MTA3: variants seen among roughly 807,000 people sequenced by gnomAD.
MTA3 encodes metastasis associated 1 family member 3.
A neutral mutation model predicts 83.5 loss-of-function variants in MTA3; 34 were observed. The ratio of observed to expected loss-of-function variants is 0.41; its 90% CI spans 0.31 to 0.54. The LOEUF is 0.54. Ranked by LOEUF, MTA3 falls within the 20% of genes least tolerant of loss-of-function variation. MTA3 has a pLI of 0.33. For synonymous variants in MTA3, 303 were observed against 252.7 expected (o/e 1.20, Z -1.89); for missense variants, 761 against 726.4 (o/e 1.05, Z -0.55).
chr2:42,635,910 C>A (rs939906695), intron 4 of MTA3, among the ~76,000 whole-genome samples: 1 of 151,932 alleles, frequency 6.6e-6, no homozygotes, highest in East Asian at 1.9e-4. Context: ...GGATTACAGG[C>A]GTGCACCACC....
chr2:42,692,407 G>A (rs1440763610), intron 9 of MTA3, among the ~76,000 whole-genome samples: 2 of 149,902 alleles, frequency 1.3e-5, no homozygotes, highest in African/African-American at 4.9e-5. Flanking sequence ...CCTCAAAACA[G>A]CTATCTTGAA....
At chr2:42,752,276 G>A (rs1669931845) in intron 16 of MTA3, 2 of 471,298 alleles carry the variant, frequency 4.2e-6, no homozygotes, top group South Asian at 3.1e-5. Flanking sequence ...CCATCCTGCA[G>A]CCCTTCCTTG....
At position 42,627,873 on chromosome 2, in the gene MTA3, CT is replaced by C. The variant is rs563355595; in HGVS notation, c.318-12299del. 4.0e-5 allele frequency among the ~76,000 whole-genome samples: 6 copies of C among 151,826 alleles called. No individual in the cohort carries two copies. The South Asian group carries it at 1.3e-3, about 32-fold the overall frequency. On this transcript the variant is annotated intron_variant, in intron 4 of 16. Coordinates refer to ENST00000405094, the MANE Select transcript of MTA3 (RefSeq NM_001330442.2). ...GATTACAGGCATGAGCCACCATTCC[CT>C]GCCAGGTTCTTTTGTTTTGTTTTGT...
intron 2 of MTA3, among the ~76,000 whole-genome samples, chr2:42,527,129 C>T (rs1675751565): frequency 6.7e-6 from 1 of 150,026 alleles, no homozygotes. Flanking sequence ...TCCGAGTTTC[C>T]AGAAAACCCC....
At chr2:42,702,687 A>C (rs1019810032) in intron 11 of MTA3, 1 of 152,234 alleles carries the variant, frequency 6.6e-6, no homozygotes, top group African/African-American at 2.4e-5. Flanking sequence ...AAGCTCCTTG[A>C]GGTCAGAGAC....
At chr2:42,598,173 A>G (rs780347093) in intron 3 of MTA3, among the ~76,000 whole-genome samples, 17 of 151,898 alleles carry the variant, frequency 1.1e-4, no homozygotes, top group Non-Finnish European at 8.8e-5. Context: ...TCTGGGTTCA[A>G]GTGATTCTCC....
intron 2 of MTA3, among the ~76,000 whole-genome samples, chr2:42,497,024 G>A (rs1674166819): frequency 6.6e-6 from 1 of 152,032 alleles, no homozygotes; most frequent in Non-Finnish European, 1.5e-5. Flanking sequence ...TGGCCAACAT[G>A]GTGAAACCCG....
At chr2:42,679,532 C>T (rs1691678751) in intron 8 of MTA3, among the ~76,000 whole-genome samples, 2 of 152,308 alleles carry the variant, frequency 1.3e-5, no homozygotes, top group East Asian at 1.9e-4. Flanking sequence ...CTGACTGGCA[C>T]ACACAGTTAC....
rs143613516 is a variant in MTA3 at position 42,675,766 on chromosome 2, T to C, written c.703-6635T>C. On this transcript the variant is annotated intron_variant, in intron 8 of 16. Transcript: ENST00000405094. ...GTCTTTTCCTAGCTTATTTTCTTTA[T>C]TTACCCTACATTTTCTCTACTGGAT... Among the ~76,000 whole-genome samples the C allele has an allele frequency of 1.1e-4, 16 of 152,336 alleles. No homozygotes were observed. In the East Asian group the frequency reaches 3.1e-3, roughly 29 times the overall value.
intron 4 of MTA3, among the ~76,000 whole-genome samples, chr2:42,620,518 G>A (rs928322203): frequency 6.6e-6 from 1 of 151,904 alleles, no homozygotes; most frequent in Non-Finnish European, 1.5e-5. Flanking sequence ...TGAGAGATAG[G>A]GTCTCGCTCT....
At chr2:42,598,490 A>G (rs946255766) in intron 3 of MTA3, among the ~76,000 whole-genome samples, 1 of 152,210 alleles carries the variant, frequency 6.6e-6, no homozygotes, top group Non-Finnish European at 1.5e-5. Flanking sequence ...GACCTTATAC[A>G]TAATCTGTTT....
chr2:42,550,693 T>A (rs1009717307), intron 2 of MTA3, among the ~76,000 whole-genome samples: 5 of 152,146 alleles, frequency 3.3e-5, no homozygotes, highest in Admixed American at 2.6e-4. Flanking sequence ...AATATTGTGC[T>A]AAGGAATGTG....
intron 2 of MTA3, among the ~76,000 whole-genome samples, chr2:42,499,047 A>G (rs914246659): frequency 9.8e-5 from 15 of 152,310 alleles, no homozygotes; most frequent in Admixed American, 9.2e-4. Context: ...AGGGAGGTAT[A>G]AGTCAAAGGG....
At chr2:42,525,601 C>T (rs374357646) in intron 2 of MTA3, among the ~76,000 whole-genome samples, 6 of 61,434 alleles carry the variant, frequency 9.8e-5, no homozygotes, top group South Asian at 9.1e-4. Flanking sequence ...TTCCTTCCTT[C>T]CTTTCCTTCC....
At chr2:42,706,296 A>T (rs1380485684) in intron 12 of MTA3, among the ~76,000 whole-genome samples, 2 of 152,212 alleles carry the variant, frequency 1.3e-5, no homozygotes, top group Non-Finnish European at 2.9e-5. Flanking sequence ...TAAAAAATTT[A>T]AAAAATGACT....
intron 8 of MTA3, among the ~76,000 whole-genome samples, chr2:42,664,742 A>G (rs1690070770): frequency 6.6e-6 from 1 of 152,146 alleles, no homozygotes; most frequent in African/African-American, 2.4e-5. Context: ...CAGAGAGGGC[A>G]GGGTTGTGGA....
intron 2 of MTA3, among the ~76,000 whole-genome samples, chr2:42,519,052 G>A (rs1675291648): frequency 6.7e-6 from 1 of 150,126 alleles, no homozygotes; most frequent in South Asian, 2.1e-4. Context: ...GGAAAGGTGG[G>A]GGAAGAGTAA....
intron 8 of MTA3, among the ~76,000 whole-genome samples, chr2:42,675,369 C>G (rs928737975): frequency 6.6e-6 from 1 of 152,100 alleles, no homozygotes; most frequent in East Asian, 1.9e-4. Flanking sequence ...CTCCTGACCT[C>G]GTGGTCCGCC....
chr2:42,606,525 G>A (rs1237441230), intron 3 of MTA3, among the ~76,000 whole-genome samples: 2 of 146,040 alleles, frequency 1.4e-5, no homozygotes, highest in East Asian at 2.0e-4. Context: ...ATGTGATGGC[G>A]GCTGGGAAGA....
Sources: gnomAD v4.1 joint callset for allele counts (sites outside exome capture counted in the v4.1 genomes callset) on GRCh38, gnomAD v4.1.1 for gene constraint, MANE v1.5 for transcripts, NCBI Gene and HGNC (gene_info 2026-07-23, HGNC 2026-07-21) for gene names.